The following DUSP16 variants were observed in gnomAD, a reference collection of about 807,000 sequenced individuals.
The protein encoded by DUSP16 is dual specificity phosphatase 16.
DUSP16 carries 21 observed loss-of-function variants against 58.3 expected under a neutral mutation model. The observed-to-expected ratio is 0.36, with a 90% CI of 0.26 to 0.52. The LOEUF is 0.52. Ranked by LOEUF, DUSP16 falls within the 20% of genes least tolerant of loss-of-function variation. The pLI, the probability that DUSP16 is intolerant of heterozygous loss-of-function variation, is 0.94. For synonymous variants in DUSP16, 320 were observed against 323.8 expected (o/e 0.99, Z 0.12); for missense variants, 726 against 819.0 (o/e 0.89, Z 1.39).
At chr12:12,547,295 G>A (rs1325091242) in intron 1 of DUSP16, among the ~76,000 whole-genome samples, 1 of 151,856 alleles carries the variant, frequency 6.6e-6, no homozygotes, top group Non-Finnish European at 1.5e-5. Context: ...CGGGCGTGGT[G>A]GTGCCCACCT....
chr12:12,480,159 C>T, intron 6 of DUSP16, 64 bp downstream of exon 6: 1 of 1,587,744 alleles, frequency 6.3e-7, no homozygotes, highest in Admixed American at 1.8e-5. Flanking sequence ...TACCCATCCT[C>T]ATCATTCTTT....
intron 1 of DUSP16, among the ~76,000 whole-genome samples, chr12:12,544,656 T>C (rs903633701): frequency 6.6e-6 from 1 of 152,228 alleles, no homozygotes; most frequent in Non-Finnish European, 1.5e-5. Context: ...CAATTTTAGC[T>C]ACTCTGATCA....
chr12:12,477,599 G>C lies in DUSP16; in HGVS notation c.1232C>G (p.Ala411Gly), dbSNP rs1943475714. 2 of 1,614,106 alleles carry C rather than the reference G, an allele frequency of 1.2e-6. No homozygotes were observed. Among genetic ancestry groups the C allele is most frequent in the Admixed American group, 3.3e-5 (2 of 60,004 alleles). Reference sequence around the variant, plus strand: ...GCCATGTAAGGATGCTGCCATGCTGGCTGAATATGAAACTGATTTGATATC... The same window carrying C: ...GCCATGTAAGGATGCTGCCATGCTGCCTGAATATGAAACTGATTTGATATC... ...SLDIKSVSYS[A>G]SMAASLHGFS... Residue 411 changes from alanine (A) to glycine (G), a missense_variant, in exon 7 of 7, where the codon GCC becomes GGC. By Grantham distance (60) the Ala-to-Gly change is moderately conservative (BLOSUM62 0). Coordinates refer to ENST00000298573, the MANE Select transcript of DUSP16 (RefSeq NM_030640.3). The surrounding 1 kb of genome is among the most constrained non-coding windows in gnomAD (Gnocchi z 4.1).
At chr12:12,514,280 T>C (rs1459419461) in intron 3 of DUSP16, among the ~76,000 whole-genome samples, 1 of 152,194 alleles carries the variant, frequency 6.6e-6, no homozygotes, top group African/African-American at 2.4e-5. Context: ...CATTGTTCTT[T>C]CCAGCTTAAA....
At chr12:12,560,794 G>A (rs1226845671) in intron 1 of DUSP16, 1 of 152,118 alleles carries the variant, frequency 6.6e-6, no homozygotes, top group African/African-American at 2.4e-5. Flanking sequence ...TTTTCTTGAT[G>A]GAGGTGAAAC....
intron 6 of DUSP16, among the ~76,000 whole-genome samples, chr12:12,479,694 G>A (rs753695579): frequency 1.2e-4 from 18 of 152,156 alleles, no homozygotes; most frequent in Admixed American, 2.0e-4. Flanking sequence ...ACAAATCAGA[G>A]ACTGGAGGCA....
rs1056261980 is a variant in DUSP16, at chr12:12,562,807, G to T, written c.-1056C>A. 6.6e-6 allele frequency among the ~76,000 whole-genome samples: 1 copy of T among 151,600 alleles called. No homozygotes were observed. The highest frequency in any genetic ancestry group is 2.4e-5 in the African/African-American group (1 of 41,334). Reference sequence around the variant, plus strand: ...AGCCCGGAGCGCGGCTCCGCGCCTCGTTCCGGCCGCTCGGGGAGGGGTCAG... The same window carrying T: ...AGCCCGGAGCGCGGCTCCGCGCCTCTTTCCGGCCGCTCGGGGAGGGGTCAG... On this transcript the variant is annotated 5_prime_UTR_variant, in exon 1 of 7. Coordinates refer to ENST00000298573, the MANE Select transcript of DUSP16 (RefSeq NM_030640.3).
At chr12:12,496,930 G>A (rs923609262) in intron 4 of DUSP16, among the ~76,000 whole-genome samples, 10 of 152,132 alleles carry the variant, frequency 6.6e-5, no homozygotes, top group Admixed American at 5.9e-4. Flanking sequence ...AAAGAACCAT[G>A]TCTTTAAAAC....
rs1402565930 is a variant in DUSP16 at position 12,480,420 on chromosome 12, TACTC to T, written c.692-78_692-75del. On this transcript the variant is annotated intron_variant, in intron 5 of 6. Coordinates refer to ENST00000298573, the MANE Select transcript of DUSP16 (RefSeq NM_030640.3). Reference sequence around the variant, plus strand: ...CAGTGAAATCTTGTTTCCATTTACTTACTCAGTGTCTTCCACCTGAAAACCTCTA... The same window carrying T: ...CAGTGAAATCTTGTTTCCATTTACTTAGTGTCTTCCACCTGAAAACCTCTA... The T allele has an allele frequency of 1.2e-5, 18 of 1,551,840 alleles. No homozygotes were observed. In the East Asian group the frequency reaches 1.6e-4, roughly 14 times the overall value.
At chr12:12,486,265 TCTC>T (rs1267643956) in intron 5 of DUSP16, among the ~76,000 whole-genome samples, 1 of 152,056 alleles carries the variant, frequency 6.6e-6, no homozygotes, top group Non-Finnish European at 1.5e-5. Context: ...TAGCAGTGTT[TCTC>T]CTCTGCTCAG....
At chr12:12,478,431 C>G (rs140613511) in intron 6 of DUSP16, among the ~76,000 whole-genome samples, 25 of 151,960 alleles carry the variant, frequency 1.6e-4, no homozygotes, top group Non-Finnish European at 3.2e-4. Context: ...TTCCTGGGCA[C>G]GTGCAGTCCT....
intron 1 of DUSP16, among the ~76,000 whole-genome samples, chr12:12,527,370 TTAAAGCAACTTTATCTCA>T (rs1400392590): frequency 6.5e-4 from 99 of 152,020 alleles, no homozygotes; most frequent in Middle Eastern, 3.4e-3. Context: ...GCTACACAGA[TTAAAGCAACTTTATCTCA>T]TAAGCTGTGG....
chr12:12,557,012 G>A (rs1045629496), intron 1 of DUSP16, among the ~76,000 whole-genome samples: 5 of 152,146 alleles, frequency 3.3e-5, no homozygotes, highest in Admixed American at 1.3e-4. Context: ...GTTCCTAACA[G>A]AGAGTCTAAC....
rs748904946 is a variant in DUSP16, at chr12:12,487,191, T to G, written c.532-4A>C. 6.2e-7 allele frequency: 1 copy of G among 1,613,330 alleles called. No individual in the cohort carries two copies. Among genetic ancestry groups the G allele is most frequent in the East Asian group, 2.2e-5 (1 of 44,862 alleles). ...TCCCATTCTGCTGCATCAGCTCCTA[T>G]GGAGAGAAAGAGTAGCAGTTAAAGT... On this transcript the variant is annotated splice_polypyrimidine_tract_variant and splice_region_variant and intron_variant, in intron 4 of 6. Coordinates refer to ENST00000298573, the MANE Select transcript of DUSP16 (RefSeq NM_030640.3).
chr12:12,481,701 C>T (rs985699122), intron 5 of DUSP16, among the ~76,000 whole-genome samples: 2 of 152,038 alleles, frequency 1.3e-5, no homozygotes, highest in Admixed American at 1.3e-4. Context: ...AAACCAAACA[C>T]AATAAAACAC....
intron 1 of DUSP16, among the ~76,000 whole-genome samples, chr12:12,528,749 C>G (rs78887402): frequency 0.015 from 2,340 of 152,226 alleles, 23 homozygotes; most frequent in Middle Eastern, 0.027. Context: ...CTTTCTGGAG[C>G]TTCTAATTTA....
Position 12,480,203 on chromosome 12 carries a change from A to G in DUSP16, c.815+20T>C. 1 of 1,610,462 alleles carries G rather than the reference A, an allele frequency of 6.2e-7. No homozygotes were observed. The highest frequency in any genetic ancestry group is 8.5e-7 in the Non-Finnish European group (1 of 1,178,076). On this transcript the variant is annotated intron_variant, in intron 6 of 6. Coordinates refer to ENST00000298573, the MANE Select transcript of DUSP16 (RefSeq NM_030640.3). ...GGTCAAATGAAAAGCCAATCACAGAAGACATTTTCCTGCCCTCACCTGTAA... is the reference window on the plus strand; with the variant it reads ...GGTCAAATGAAAAGCCAATCACAGAGGACATTTTCCTGCCCTCACCTGTAA...
At chr12:12,539,198 T>C (rs1270842027) in intron 1 of DUSP16, among the ~76,000 whole-genome samples, 1 of 152,204 alleles carries the variant, frequency 6.6e-6, no homozygotes, top group East Asian at 1.9e-4. Flanking sequence ...TGTAACACTG[T>C]GATTAATCTA....
At chr12:12,540,991 C>A (rs980508225) in intron 1 of DUSP16, among the ~76,000 whole-genome samples, 3 of 120,232 alleles carry the variant, frequency 2.5e-5, no homozygotes, top group Non-Finnish European at 4.8e-5. Context: ...GAGTCTCACT[C>A]TGATTGCCCA....
Sources: gnomAD v4.1 joint callset for allele counts (sites outside exome capture counted in the v4.1 genomes callset) on GRCh38, gnomAD v4.1.1 for gene constraint, Gnocchi (gnomAD v3.1) non-coding constraint, MANE v1.5 for transcripts, NCBI Gene and HGNC (gene_info 2026-07-23, HGNC 2026-07-21) for gene names.